The following PALS1 variants were observed in gnomAD, a reference collection of about 807,000 sequenced individuals.
PALS1 encodes protein PALS1.
PALS1 carries 31 observed loss-of-function variants against 78.9 expected under a neutral mutation model. The ratio of observed to expected loss-of-function variants is 0.39; its 90% CI spans 0.30 to 0.53. The LOEUF is 0.53. PALS1 is among the 20% of genes least tolerant of loss of function. The probability of loss-of-function intolerance (pLI) is 0.67; values close to 1 mark genes in which losing one functional copy is unlikely to be tolerated. For missense variants in PALS1, 704 were observed against 826.5 expected (o/e 0.85, Z 1.82); for synonymous variants, 276 against 270.9 (o/e 1.02, Z -0.18).
chr14:67,333,768 T>C lies in PALS1; in HGVS notation c.*812T>C, dbSNP rs1044888460. 2.0e-5 allele frequency: 3 copies of C among 152,614 alleles called. No individual in the cohort carries two copies. The highest frequency in any genetic ancestry group is 6.5e-5 in the Admixed American group (1 of 15,278). 9.5% of individuals were successfully genotyped at this position (152,614 alleles called of 1,614,324 possible). Reference sequence around the variant, plus strand: ...CATCAGCATAGTATAATAGAATGTATGTTACATTTTTATGAATGGCAGGTG... The same window carrying C: ...CATCAGCATAGTATAATAGAATGTACGTTACATTTTTATGAATGGCAGGTG... On this transcript the variant is annotated 3_prime_UTR_variant, in exon 15 of 15. Coordinates refer to ENST00000261681, the MANE Select transcript of PALS1 (RefSeq NM_022474.4).
At chr14:67,310,481 C>T (rs1428296795) in intron 8 of PALS1, among the ~76,000 whole-genome samples, 1 of 152,058 alleles carries the variant, frequency 6.6e-6, no homozygotes, top group Non-Finnish European at 1.5e-5. Context: ...TGGAAAGAGA[C>T]CAGGTGGGGC....
chr14:67,316,676 C>G (rs1202079441), intron 9 of PALS1, among the ~76,000 whole-genome samples, 156 bp from the exon 10 acceptor site: 1 of 152,006 alleles, frequency 6.6e-6, no homozygotes, highest in Non-Finnish European at 1.5e-5. Flanking sequence ...TGGAGGCTTA[C>G]ACATCATAGC....
intron 2 of PALS1, among the ~76,000 whole-genome samples, chr14:67,274,381 T>G (rs577076136): frequency 6.6e-6 from 1 of 152,350 alleles, no homozygotes; most frequent in African/African-American, 2.4e-5. Flanking sequence ...AAATAGGGCA[T>G]CCTTTCCCCA....
In PALS1 at chr14:67,258,364, G is replaced by A. The variant is rs1408122558; in HGVS notation, c.-236-11337G>A. On this transcript the variant is annotated intron_variant, in intron 1 of 14. Transcript: ENST00000261681. ...AGTCTGGGCAATGTGGCGAAACCCCGTCTCTACCACAAATACAAAAACTTA... is the reference window on the plus strand; with the variant it reads ...AGTCTGGGCAATGTGGCGAAACCCCATCTCTACCACAAATACAAAAACTTA... Among the ~76,000 whole-genome samples the A allele has an allele frequency of 3.9e-5, 6 of 152,210 alleles. 1 individual carries two copies. In the South Asian group the frequency reaches 1.2e-3, roughly 32 times the overall value.
At chr14:67,251,292 G>A (rs187282956) in intron 1 of PALS1, among the ~76,000 whole-genome samples, 38 of 152,288 alleles carry the variant, frequency 2.5e-4, no homozygotes, top group African/African-American at 8.2e-4. Context: ...CCAGTATTTT[G>A]GAGGCCGAGG....
At chr14:67,277,723 C>A (rs868194629) in intron 2 of PALS1, among the ~76,000 whole-genome samples, 2 of 151,968 alleles carry the variant, frequency 1.3e-5, no homozygotes, top group Non-Finnish European at 2.9e-5. Flanking sequence ...TTTTTATTTT[C>A]TAAAATATGT....
intron 3 of PALS1, among the ~76,000 whole-genome samples, chr14:67,280,657 C>T (rs1286054432): frequency 2.0e-5 from 3 of 152,190 alleles, no homozygotes; most frequent in Non-Finnish European, 4.4e-5. Flanking sequence ...AAACCGGTAT[C>T]CAGCCTGCGT....
In PALS1 at chr14:67,332,888, G is replaced by A; in HGVS notation, c.1960G>A (p.Glu654Lys). ...VNSDLDKAYQ[E>K]LLRLINKLDT... ...TTCCGATCTTGATAAAGCCTATCAG[G>A]AATTGCTTAGGTTAATTAACAAACT... Residue 654 changes from glutamate to lysine, a missense_variant, in exon 15 of 15, where the codon GAA becomes AAA. Glu to Lys is a moderately conservative substitution (Grantham distance 56). Transcript: ENST00000261681. 6.2e-7 allele frequency: 1 copy of A among 1,614,058 alleles called. No individual in the cohort carries two copies.
intron 3 of PALS1, among the ~76,000 whole-genome samples, chr14:67,287,423 C>T (rs1199816949): frequency 6.6e-6 from 1 of 151,820 alleles, no homozygotes; most frequent in Non-Finnish European, 1.5e-5. Context: ...TTAAATTCTA[C>T]TTATTAAAAA....
At chr14:67,323,232 C>CGTGTGTGT (rs35018637) in intron 13 of PALS1, among the ~76,000 whole-genome samples, 1,577 of 143,550 alleles carry the variant, frequency 0.011, 33 homozygotes, top group African/African-American at 0.035. Context: ...CATATATACA[C>CGTGTGTGT]GTGTGTGTGT....
chr14:67,273,553 T>A (rs1018504852), intron 2 of PALS1, among the ~76,000 whole-genome samples: 5 of 152,228 alleles, frequency 3.3e-5, no homozygotes, highest in Admixed American at 2.0e-4. Flanking sequence ...TCCAAGTCTT[T>A]GCTATTGTGA....
chr14:67,330,755 C>T (rs975553059), intron 14 of PALS1, among the ~76,000 whole-genome samples: 6 of 152,062 alleles, frequency 3.9e-5, no homozygotes, highest in African/African-American at 9.7e-5. Flanking sequence ...CCCGGCACCC[C>T]GCTTCCTTGT....
intron 1 of PALS1, among the ~76,000 whole-genome samples, chr14:67,259,616 A>C (rs2084202166): frequency 6.6e-6 from 1 of 151,950 alleles, no homozygotes; most frequent in Non-Finnish European, 1.5e-5. Flanking sequence ...TCTCTAAATA[A>C]ATACATGAAT....
intron 1 of PALS1, among the ~76,000 whole-genome samples, chr14:67,260,725 A>G (rs1595566883): frequency 6.6e-6 from 1 of 152,198 alleles, no homozygotes; most frequent in East Asian, 1.9e-4. Context: ...TCAAAGTTTA[A>G]TGACTAAATA....
chr14:67,326,090 A>G (rs1162351261), intron 14 of PALS1, among the ~76,000 whole-genome samples: 18 of 146,776 alleles, frequency 1.2e-4, no homozygotes, highest in African/African-American at 4.0e-4. Flanking sequence ...CTCCCAAAGT[A>G]CTGGGATTAC....
chr14:67,285,591 G>A (rs1470290079), intron 3 of PALS1, among the ~76,000 whole-genome samples: 1 of 143,676 alleles, frequency 7.0e-6, no homozygotes, highest in East Asian at 2.4e-4. Flanking sequence ...GGATGGTCTC[G>A]ATCTCTGATC....
intron 10 of PALS1, 49 bp downstream of exon 10, chr14:67,316,952 C>G (rs752501504): frequency 6.9e-7 from 1 of 1,451,296 alleles, no homozygotes; most frequent in South Asian, 1.2e-5. Flanking sequence ...GGGTCTTCAT[C>G]TGGAGCCATG....
At position 67,292,704 on chromosome 14, in the gene PALS1, A is replaced by G; in HGVS notation, c.561A>G (p.Gln187=). 1.9e-6 allele frequency: 3 copies of G among 1,613,472 alleles called. No individual in the cohort carries two copies. Among genetic ancestry groups the G allele is most frequent in the Non-Finnish European group, 2.5e-6 (3 of 1,179,592 alleles). Residue 187 remains glutamine (Q), a synonymous_variant, in exon 4 of 15, where the codon CAA becomes CAG. Coordinates refer to ENST00000261681, the MANE Select transcript of PALS1 (RefSeq NM_022474.4). ...CATTTCCTCTTATCTCCAACGCACA[A>G]GATCTTGCTCAAGAGGTATGTATTC... The part of the protein sequence containing the change: ...SPPFPLISNA[Q]DLAQEVQTVL...
intron 3 of PALS1, among the ~76,000 whole-genome samples, chr14:67,285,366 A>ATTTTT (rs767382946): frequency 1.2e-4 from 17 of 137,866 alleles, no homozygotes; most frequent in African/African-American, 3.5e-4. Flanking sequence ...CCTTAGGTAA[A>ATTTTT]TTTTTTTTTT....
Sources: allele counts gnomAD v4.1 joint callset (sites outside exome capture counted in the v4.1 genomes callset), GRCh38; gene constraint gnomAD v4.1.1; transcripts MANE v1.5; gene names NCBI Gene and HGNC (gene_info 2026-07-23, HGNC 2026-07-21).